NUBPL: variants seen among roughly 807,000 people sequenced by gnomAD.
The protein encoded by NUBPL is NUBP iron-sulfur cluster assembly factor, mitochondrial, also known as iron-sulfur cluster transfer protein NUBPL.
NUBPL carries 31 observed loss-of-function variants against 45.7 expected under a neutral mutation model. The ratio of observed to expected loss-of-function variants is 0.68; its 90% confidence interval spans 0.51 to 0.92. The LOEUF is 0.92. Among genes scored for constraint, NUBPL ranks in the 40% least tolerant of loss-of-function variants. The pLI, the probability that NUBPL is intolerant of heterozygous loss-of-function variation, is 0.00. For missense variants in NUBPL, 401 were observed against 398.7 expected, an observed-to-expected ratio of 1.01 and a Z score of -0.05; for synonymous variants, 144 against 140.9, an observed-to-expected ratio of 1.02 and a Z score of -0.15.
chr14:31,565,606 C>G (rs1288747095), intron 3 of NUBPL, among the ~76,000 whole-genome samples: 1 of 151,998 alleles, frequency 6.6e-6, no homozygotes, highest in Non-Finnish European at 1.5e-5. Flanking sequence ...TTCTTAATGG[C>G]TGGTGCATTA....
At chr14:31,811,438 A>G (rs7156445) in intron 7 of NUBPL, among the ~76,000 whole-genome samples, 98,150 of 152,042 alleles carry the variant, frequency 0.65, 32,347 homozygotes, top group African/African-American at 0.79. Flanking sequence ...CATGCATCAC[A>G]TAGTTCTTGT....
chr14:31,606,016 C>G (rs1242563967), intron 4 of NUBPL, among the ~76,000 whole-genome samples: 3 of 148,228 alleles, frequency 2.0e-5, no homozygotes, highest in African/African-American at 7.5e-5. Context: ...TCCTTTTCTC[C>G]TCCCTCACTC....
chr14:31,645,493 T>C (rs1010172644), intron 4 of NUBPL, among the ~76,000 whole-genome samples: 8 of 152,214 alleles, frequency 5.3e-5, no homozygotes, highest in African/African-American at 1.7e-4. Flanking sequence ...GTAAAGACTT[T>C]ACTACTGCCA....
intron 4 of NUBPL, among the ~76,000 whole-genome samples, chr14:31,640,557 G>A (rs1385176835): frequency 1.3e-5 from 2 of 148,680 alleles, no homozygotes; most frequent in East Asian, 4.0e-4. Flanking sequence ...GGAGGTTGCA[G>A]TGAGTTAAGA....
intron 6 of NUBPL, among the ~76,000 whole-genome samples, chr14:31,737,910 TTTTTG>T (rs1274936597): frequency 3.9e-5 from 6 of 152,320 alleles, no homozygotes; most frequent in African/African-American, 9.6e-5. Context: ...TTTCTGAATT[TTTTTG>T]TTTTATTTAT....
At position 31,826,628 on chromosome 14, in the gene NUBPL, G is replaced by C. The variant is rs775422270; in HGVS notation, c.608-1G>C. On this transcript the variant is annotated splice_acceptor_variant, in intron 7 of 10. Coordinates refer to ENST00000281081, the MANE Select transcript of NUBPL (RefSeq NM_025152.3). LOFTEE classifies it high-confidence loss of function. ...ATAGTATTTTGTTTATCTTTGGCTA[G>C]GTGCTGTGATTGTCTCCACGCCCCA... is the stretch of plus-strand genomic sequence containing the variant. 7 of 1,613,776 alleles carry C rather than the reference G, an allele frequency of 4.3e-6. No homozygotes were observed. Among genetic ancestry groups the C allele is most frequent in the Non-Finnish European group, 5.9e-6 (7 of 1,179,676 alleles).
At chr14:31,609,864 GA>G (rs2034703635) in intron 4 of NUBPL, among the ~76,000 whole-genome samples, 1 of 151,922 alleles carries the variant, frequency 6.6e-6, no homozygotes, top group Admixed American at 6.6e-5. Flanking sequence ...AAAATTTCTT[GA>G]AAAAAATGAT....
chr14:31,708,544 G>C (rs1447555612), intron 6 of NUBPL, among the ~76,000 whole-genome samples: 1 of 152,234 alleles, frequency 6.6e-6, no homozygotes, highest in African/African-American at 2.4e-5. Flanking sequence ...TGTGAAAAGA[G>C]AAAGTCTCCC....
At chr14:31,569,189 TTTTTTG>T (rs932690888) in intron 3 of NUBPL, among the ~76,000 whole-genome samples, 7 of 152,110 alleles carry the variant, frequency 4.6e-5, no homozygotes, top group East Asian at 1.9e-4. Context: ...AGATTGAGTT[TTTTTTG>T]TTTTTGTTTT....
chr14:31,687,957 T>C (rs1435105852), intron 6 of NUBPL, among the ~76,000 whole-genome samples: 5 of 152,356 alleles, frequency 3.3e-5, no homozygotes, highest in Admixed American at 2.6e-4. Flanking sequence ...AAGTTGTTGC[T>C]GCAGCTACAT....
At chr14:31,804,915 A>G (rs1381813283) in intron 7 of NUBPL, among the ~76,000 whole-genome samples, 2 of 152,220 alleles carry the variant, frequency 1.3e-5, no homozygotes, top group East Asian at 3.8e-4. Flanking sequence ...AATCACAACA[A>G]AAGCAAAAAT....
chr14:31,688,316 G>A (rs747779086), intron 6 of NUBPL, among the ~76,000 whole-genome samples: 1 of 152,052 alleles, frequency 6.6e-6, no homozygotes, highest in Non-Finnish European at 1.5e-5. Context: ...GGTGGTTCAC[G>A]CCTGTAATCC....
chr14:31,576,441 G>A (rs2033719202), intron 3 of NUBPL, among the ~76,000 whole-genome samples: 1 of 151,836 alleles, frequency 6.6e-6, no homozygotes, highest in African/African-American at 2.4e-5. Flanking sequence ...TTTTATTTTT[G>A]GCAGAGACAG....
Position 31,561,463 on chromosome 14 carries a change from GC to G in NUBPL, c.25del (p.Leu9PhefsTer37). 1 of 1,420,768 alleles carries G rather than the reference GC, an allele frequency of 7.0e-7. No homozygotes were observed. Among genetic ancestry groups the G allele is most frequent in the Non-Finnish European group, 9.3e-7 (1 of 1,077,848 alleles). 88.0% of individuals were successfully genotyped at this position (1,420,768 alleles called of 1,614,324 possible). On this transcript the variant is annotated frameshift_variant, in exon 1 of 11. Transcript: ENST00000281081. LOFTEE classifies it high-confidence loss of function. MGIWQRLLLFGGVSLRAGG... is the reference protein window; with the variant it reads MGIWQRLLXFGGVSLRAGG... ...TCATGGGGATTTGGCAGCGTCTGCTGCTTTTTGGTGGGGTGTCGCTCCGGGC... is the reference window on the plus strand; with the variant it reads ...TCATGGGGATTTGGCAGCGTCTGCTGTTTTTGGTGGGGTGTCGCTCCGGGC...
chr14:31,821,941 C>T (rs1439920729), intron 7 of NUBPL, among the ~76,000 whole-genome samples: 1 of 152,206 alleles, frequency 6.6e-6, no homozygotes, highest in Non-Finnish European at 1.5e-5. Context: ...GCCAGAAAGA[C>T]AAACATTGCA....
intron 4 of NUBPL, among the ~76,000 whole-genome samples, chr14:31,669,728 T>C (rs367561306): frequency 1.3e-5 from 2 of 151,708 alleles, no homozygotes; most frequent in African/African-American, 4.8e-5. Context: ...GGGTTTCTGT[T>C]CCTGCATTAG....
intron 4 of NUBPL, among the ~76,000 whole-genome samples, chr14:31,660,072 T>A (rs975657117): frequency 6.6e-6 from 1 of 152,120 alleles, no homozygotes; most frequent in African/African-American, 2.4e-5. Context: ...AAACATGATT[T>A]TCTTCATAGT....
intron 6 of NUBPL, among the ~76,000 whole-genome samples, chr14:31,754,443 T>C (rs1415881748): frequency 6.6e-6 from 1 of 151,954 alleles, no homozygotes; most frequent in African/African-American, 2.4e-5. Context: ...ACTATGAGAA[T>C]GCAATAAGTA....
At chr14:31,769,361 C>T (rs1241670724) in intron 6 of NUBPL, among the ~76,000 whole-genome samples, 1 of 152,106 alleles carries the variant, frequency 6.6e-6, no homozygotes. Flanking sequence ...GAATCCCCTC[C>T]TAGCTCCTTA....
Sources: allele counts gnomAD v4.1 joint callset (sites outside exome capture counted in the v4.1 genomes callset), GRCh38; gene constraint gnomAD v4.1.1; transcripts MANE v1.5; gene names NCBI Gene and HGNC (gene_info 2026-07-23, HGNC 2026-07-21).